Variants in DPYSL3 observed in about 807,000 individuals in gnomAD.
The protein encoded by DPYSL3 is dihydropyrimidinase like 3.
A neutral mutation model predicts 66.1 loss-of-function variants in DPYSL3; 16 were observed. That is an observed-to-expected ratio of 0.24 (90% CI 0.16 to 0.37). The LOEUF is 0.37. Among genes scored for constraint, DPYSL3 ranks in the 10% least tolerant of loss-of-function variants. DPYSL3 has a pLI of 1.00. For synonymous variants in DPYSL3, 338 were observed against 345.1 expected (o/e 0.98, Z 0.23); for missense variants, 738 against 916.2 (o/e 0.81, Z 2.51).
chr5:147,501,889 ACT>A (rs1753617692), intron 1 of DPYSL3, among the ~76,000 whole-genome samples: 1 of 151,830 alleles, frequency 6.6e-6, no homozygotes, highest in South Asian at 2.1e-4. Context: ...TATGGGAAGT[ACT>A]CTCTGTACTT....
At chr5:147,490,301 A>T (rs1753395898) in intron 1 of DPYSL3, among the ~76,000 whole-genome samples, 1 of 152,234 alleles carries the variant, frequency 6.6e-6, no homozygotes, top group African/African-American at 2.4e-5. Flanking sequence ...ATTGATAATG[A>T]AATGAATGTG....
rs75482402 is a variant in DPYSL3, at chr5:147,486,482, C to G, written c.381+22996G>C. On this transcript the variant is annotated intron_variant, in intron 1 of 13. Transcript: ENST00000343218. Reference sequence around the variant, plus strand: ...ATTGCTTCTAGCTCAGAGTTTCTATCTATAGTCTAGTTGGATGAATGCCTT... The same window carrying G: ...ATTGCTTCTAGCTCAGAGTTTCTATGTATAGTCTAGTTGGATGAATGCCTT... Among the ~76,000 whole-genome samples the G allele has an allele frequency of 3.3e-3, 508 of 152,266 alleles. 3 individuals carry two copies. Among genetic ancestry groups the G allele is most frequent in the African/African-American group, 0.01 (424 of 41,546 alleles).
intron 8 of DPYSL3, among the ~76,000 whole-genome samples, chr5:147,402,625 G>A (rs1758225640): frequency 7.4e-6 from 1 of 134,282 alleles, no homozygotes; most frequent in Admixed American, 6.9e-5. Flanking sequence ...GGGATTACAG[G>A]CGTGAGCCAC....
chr5:147,418,963 G>T (rs2126313858), intron 2 of DPYSL3, among the ~76,000 whole-genome samples: 1 of 152,104 alleles, frequency 6.6e-6, no homozygotes, highest in South Asian at 2.1e-4. Context: ...CTTTCATTTT[G>T]TTCTTTAAGT....
At chr5:147,439,500 G>A (rs1390329097) in intron 1 of DPYSL3, among the ~76,000 whole-genome samples, 1 of 152,158 alleles carries the variant, frequency 6.6e-6, no homozygotes, top group Admixed American at 6.5e-5. Context: ...AAGTAGGCAG[G>A]GCCACTCCAC....
intron 1 of DPYSL3, among the ~76,000 whole-genome samples, chr5:147,450,597 A>G (rs947160728): frequency 6.6e-6 from 1 of 152,194 alleles, no homozygotes; most frequent in African/African-American, 2.4e-5. Flanking sequence ...CAACAGGGAC[A>G]CAGAAATCTC....
At chr5:147,442,762 G>A (rs565448986) in intron 1 of DPYSL3, among the ~76,000 whole-genome samples, 14 of 151,808 alleles carry the variant, frequency 9.2e-5, no homozygotes, top group East Asian at 3.9e-4. Flanking sequence ...GAAAGATGTC[G>A]TAATATATTG....
intron 1 of DPYSL3, chr5:147,453,600 G>A: frequency 6.5e-7 from 1 of 1,532,846 alleles, no homozygotes; most frequent in Non-Finnish European, 8.8e-7. Context: ...TGGCGGTGGT[G>A]GCTGCAGCGG....
intron 1 of DPYSL3, among the ~76,000 whole-genome samples, chr5:147,508,491 C>T (rs1023040030): frequency 6.6e-6 from 1 of 152,094 alleles, no homozygotes; most frequent in Non-Finnish European, 1.5e-5. Flanking sequence ...GTGAGGGCAT[C>T]TGATTATTAT....
At chr5:147,486,198 T>TGTGGTGTGATGAGAAAATTCTGGAAA (rs1753327029) in intron 1 of DPYSL3, among the ~76,000 whole-genome samples, 2 of 152,186 alleles carry the variant, frequency 1.3e-5, no homozygotes, top group Non-Finnish European at 2.9e-5. Context: ...GGCTGGAGGT[T>TGTGGTGTGATGAGAAAATTCTGGAAA]GTGGTGTGAT....
At chr5:147,423,970 G>A (rs1752140006) in intron 2 of DPYSL3, among the ~76,000 whole-genome samples, 2 of 152,076 alleles carry the variant, frequency 1.3e-5, no homozygotes, top group African/African-American at 2.4e-5. Flanking sequence ...TGTCCGCCTC[G>A]GCCTCCCAAA....
At chr5:147,417,793 T>C (rs548361412) in intron 3 of DPYSL3, among the ~76,000 whole-genome samples, 2 of 152,246 alleles carry the variant, frequency 1.3e-5, no homozygotes, top group East Asian at 3.9e-4. Flanking sequence ...CTCCTACAGC[T>C]TGCCAAATGT....
At chr5:147,452,561 C>A (rs367687281) in intron 1 of DPYSL3, among the ~76,000 whole-genome samples, 1 of 152,070 alleles carries the variant, frequency 6.6e-6, no homozygotes, top group Admixed American at 6.5e-5. Context: ...TTGTAAATGA[C>A]CATCCCAGCC....
At chr5:147,484,202 T>C (rs1753293099) in intron 1 of DPYSL3, among the ~76,000 whole-genome samples, 2 of 152,198 alleles carry the variant, frequency 1.3e-5, no homozygotes. Context: ...TTGCAAAGAT[T>C]GCACCAAACA....
chr5:147,424,197 T>C (rs1483168182), intron 2 of DPYSL3, among the ~76,000 whole-genome samples: 1 of 152,114 alleles, frequency 6.6e-6, no homozygotes, highest in Non-Finnish European at 1.5e-5. Context: ...CATATAAAAA[T>C]AAAACTAAAA....
intron 1 of DPYSL3, among the ~76,000 whole-genome samples, chr5:147,431,651 C>T (rs1371670455): frequency 1.3e-5 from 2 of 152,128 alleles, no homozygotes; most frequent in East Asian, 3.9e-4. Context: ...CAAAATATAA[C>T]AGACCTTGCC....
intron 1 of DPYSL3, among the ~76,000 whole-genome samples, chr5:147,443,574 C>T (rs1036631883): frequency 3.3e-5 from 5 of 149,564 alleles, no homozygotes; most frequent in East Asian, 2.0e-4. Context: ...CAAACCTGCA[C>T]GTTCTGCACA....
intron 1 of DPYSL3, among the ~76,000 whole-genome samples, chr5:147,443,575 G>A (rs371123918): frequency 6.6e-6 from 1 of 150,832 alleles, no homozygotes; most frequent in East Asian, 2.0e-4. Flanking sequence ...AAACCTGCAC[G>A]TTCTGCACAT....
chr5:147,425,079 AG>A, intron 1 of DPYSL3, 116 bp from the exon 2 acceptor site: 1 of 720,628 alleles, frequency 1.4e-6, no homozygotes, highest in Non-Finnish European at 2.3e-6. Flanking sequence ...CATTTACCAA[AG>A]ACATATGTGT....
Sources: allele counts gnomAD v4.1 joint callset (sites outside exome capture counted in the v4.1 genomes callset), GRCh38; gene constraint gnomAD v4.1.1; transcripts MANE v1.5; gene names NCBI Gene and HGNC (gene_info 2026-07-23, HGNC 2026-07-21).